Variants in SERPINI2 observed in about 807,000 individuals in gnomAD.
SERPINI2 encodes serpin I2.
Under a neutral mutation model 47.3 loss-of-function variants are expected in SERPINI2, and 48 were observed. The observed-to-expected ratio is 1.02, with a 90% CI of 0.81 to 1.29. The LOEUF is 1.29. Among genes scored for constraint, SERPINI2 ranks in the 50% most tolerant of loss-of-function variants. SERPINI2 has a pLI of 0.00. For missense variants in SERPINI2, 448 were observed against 456.9 expected (o/e 0.98, Z 0.18); for synonymous variants, 135 against 149.3 (o/e 0.90, Z 0.70).
At chr3:167,476,158 C>A (rs2108179164), upstream of SERPINI2, among the ~76,000 whole-genome samples, 1 of 151,692 alleles carries the variant, frequency 6.6e-6, no homozygotes, top group East Asian at 1.9e-4. Context: ...TGACCAATTC[C>A]TTTTACCACA....
upstream of SERPINI2, chr3:167,474,144 G>A (rs1040251984): frequency 2.0e-6 from 2 of 990,778 alleles, no homozygotes; most frequent in Non-Finnish European, 2.4e-6. Flanking sequence ...TAGAACAAAA[G>A]CAGGTGTTCA....
chr3:167,444,997 A>C (rs1006051497), intron 8 of SERPINI2, among the ~76,000 whole-genome samples: 3 of 152,164 alleles, frequency 2.0e-5, no homozygotes, highest in Non-Finnish European at 4.4e-5. Flanking sequence ...TTATATATTA[A>C]TTGTAAAAAA....
At chr3:167,444,759 G>C (rs1749424351) in intron 8 of SERPINI2, among the ~76,000 whole-genome samples, 1 of 152,122 alleles carries the variant, frequency 6.6e-6, no homozygotes, top group Non-Finnish European at 1.5e-5. Context: ...AGTTCAAACT[G>C]TCATTAAGAC....
At chr3:167,472,000 C>T in intron 1 of SERPINI2, 156 bp from the exon 2 acceptor site, 1 of 568,272 alleles carries the variant, frequency 1.8e-6, no homozygotes. Flanking sequence ...ATCATCTATT[C>T]AGAAAAATAG....
intron 5 of SERPINI2, among the ~76,000 whole-genome samples, chr3:167,459,731 T>C (rs894076058): frequency 6.6e-6 from 1 of 151,898 alleles, no homozygotes; most frequent in African/African-American, 2.4e-5. Flanking sequence ...AGAGATATTT[T>C]ACAACAATAT....
chr3:167,463,255 T>A (rs1050405535), intron 5 of SERPINI2, among the ~76,000 whole-genome samples: 4 of 152,012 alleles, frequency 2.6e-5, no homozygotes, highest in African/African-American at 9.7e-5. Flanking sequence ...CCATCTGTCA[T>A]ACACACCATT....
chr3:167,466,065 C>T (rs1312502493), intron 3 of SERPINI2, among the ~76,000 whole-genome samples: 1 of 152,156 alleles, frequency 6.6e-6, no homozygotes, highest in Non-Finnish European at 1.5e-5. Flanking sequence ...GTTAATGGTA[C>T]ACCCAAACTT....
rs1252922260 is a variant in SERPINI2, at chr3:167,458,064, A to T, written c.867-5031T>A. ...ACTTGGACATATTCAACAATTCTTC[A>T]TTGCATATAGGATTTATTCTTCAAC... On this transcript the variant is annotated intron_variant, in intron 5 of 8. Transcript: ENST00000264677. Among the ~76,000 whole-genome samples, 6 of 152,120 alleles carry T rather than the reference A, an allele frequency of 3.9e-5. No individual in the cohort carries two copies. The East Asian group carries it at 7.7e-4, about 20-fold the overall frequency.
chr3:167,445,170 T>A (rs9884112), intron 8 of SERPINI2, among the ~76,000 whole-genome samples: 6 of 152,134 alleles, frequency 3.9e-5, no homozygotes, highest in African/African-American at 1.4e-4. Context: ...CAGAAGGGTC[T>A]CTCAGCATTA....
chr3:167,445,055 T>G (rs897174066), intron 8 of SERPINI2, among the ~76,000 whole-genome samples: 22 of 152,280 alleles, frequency 1.4e-4, no homozygotes, highest in South Asian at 1.0e-3. Context: ...AATGACATAC[T>G]TAGAATACAT....
chr3:167,446,550 A>ACCCCAGGGGGCGGAGCCTGCAG, intron 7 of SERPINI2, 69 bp from the exon 8 acceptor site: 1 of 1,034,550 alleles, frequency 9.7e-7, no homozygotes, highest in East Asian at 2.5e-5. Context: ...TATATTCATA[A>ACCCCAGGGGGCGGAGCCTGCAG]TACATTTTGT....
intron 7 of SERPINI2, among the ~76,000 whole-genome samples, chr3:167,448,569 C>T (rs369795361): frequency 6.6e-6 from 1 of 152,160 alleles, no homozygotes; most frequent in East Asian, 1.9e-4. Flanking sequence ...GTTGCCCAGG[C>T]TGGAGTGCAG....
At chr3:167,455,488 T>C (rs1749759273) in intron 5 of SERPINI2, among the ~76,000 whole-genome samples, 3 of 151,980 alleles carry the variant, frequency 2.0e-5, no homozygotes, top group African/African-American at 7.2e-5. Flanking sequence ...TCAATTTCCC[T>C]CTGGGTTTGT....
At chr3:167,465,280 T>G in exon 5 of SERPINI2, 1 of 1,613,166 alleles carries the variant, frequency 6.2e-7, no homozygotes, top group Non-Finnish European at 8.5e-7. Flanking sequence ...CAGTAATTAG[T>G]TTTTCCACTT....
chr3:167,471,618 GT>G lies in SERPINI2; in HGVS notation c.216del (p.Arg72SerfsTer4), dbSNP rs1750323056. ...GAGGTTTCCTGTTGTTTTAAAGTTT[GT>G]CTTATCTGCTGCTGTGCTTTTCCTT... On this transcript the variant is annotated frameshift_variant, in exon 2 of 9. Transcript: ENST00000264677. LOFTEE classifies it high-confidence loss of function. 6.2e-7 allele frequency: 1 copy of G among 1,613,418 alleles called. No homozygotes were observed. The highest frequency in any genetic ancestry group is 1.1e-5 in the South Asian group (1 of 91,070).
chr3:167,446,344 TTCTG>T, intron 8 of SERPINI2, 44 bp downstream of exon 8: 2 of 1,290,250 alleles, frequency 1.6e-6, no homozygotes, highest in Non-Finnish European at 2.2e-6. Flanking sequence ...CTGGAACTAG[TTCTG>T]CTTAACATAA....
Position 167,464,009 on chromosome 3 carries a change from C to CTTTTTTTTTTTTTTTTTT in SERPINI2, c.866+1179_866+1196dup, listed in dbSNP as rs555948215. ...TGCAGTAGTTGAAGAACAGGAGTGGCTTTTTTTTTTTTTTTTTTTTTGGAT... is the reference window on the plus strand; with the variant it reads ...TGCAGTAGTTGAAGAACAGGAGTGGCTTTTTTTTTTTTTTTTTTTTTTTTTTTTTTTTTTTTTTTGGAT... On this transcript the variant is annotated intron_variant, in intron 5 of 8. Coordinates refer to ENST00000264677, the Ensembl canonical transcript of SERPINI2. Among the ~76,000 whole-genome samples, 2 of 93,262 alleles carry CTTTTTTTTTTTTTTTTTT rather than the reference C, an allele frequency of 2.1e-5. 1 individual carries two copies. The highest frequency in any genetic ancestry group is 4.1e-5 in the Non-Finnish European group (2 of 48,410). 61.2% of individuals were successfully genotyped at this position (93,262 alleles called of 152,430 possible). A position where few individuals can be genotyped will look rare whatever the true frequency, so the allele number is the denominator to read the frequency against.
upstream of SERPINI2, among the ~76,000 whole-genome samples, chr3:167,476,454 T>C (rs1005652632): frequency 6.6e-6 from 1 of 151,992 alleles, no homozygotes; most frequent in Non-Finnish European, 1.5e-5. Flanking sequence ...CTTAATTCCT[T>C]TTACAGAAGA....
intron 5 of SERPINI2, among the ~76,000 whole-genome samples, chr3:167,456,166 G>A (rs1349333800): frequency 2.7e-5 from 4 of 150,730 alleles, no homozygotes; most frequent in African/African-American, 9.9e-5. Context: ...GTGTGTGTGT[G>A]TGTGTGTGTG....
Sources: gnomAD v4.1 joint callset for allele counts (sites outside exome capture counted in the v4.1 genomes callset) on GRCh38, gnomAD v4.1.1 for gene constraint, MANE v1.5 for transcripts, NCBI Gene and HGNC (gene_info 2026-07-23, HGNC 2026-07-21) for gene names.